Variants in SLC22A25 observed in about 807,000 individuals in gnomAD.
SLC22A25 encodes solute carrier family 22 member 25.
Under a neutral mutation model 45.9 loss-of-function variants are expected in SLC22A25, and 44 were observed. The ratio of observed to expected loss-of-function variants is 0.96; its 90% CI spans 0.75 to 1.23. The LOEUF (loss-of-function observed/expected upper bound fraction) is 1.23. SLC22A25 is among the 50% of genes most tolerant of loss of function. The probability of loss-of-function intolerance (pLI) is 0.00; values close to 1 mark genes in which losing one functional copy is unlikely to be tolerated. For synonymous variants in SLC22A25, 283 were observed against 238.6 expected (o/e 1.19, Z -1.72); for missense variants, 800 against 666.4 (o/e 1.20, Z -2.21).
At chr11:63,233,225 T>G (rs1257628455) in intron 3 of SLC22A25, among the ~76,000 whole-genome samples, 1 of 152,150 alleles carries the variant, frequency 6.6e-6, no homozygotes, top group South Asian at 2.1e-4. Flanking sequence ...GCTCCTCCTT[T>G]TACCTCTGGT....
At chr11:63,184,174 CTAAAG>C (rs1346498065) in intron 7 of SLC22A25, among the ~76,000 whole-genome samples, 1 of 152,046 alleles carries the variant, frequency 6.6e-6, no homozygotes, top group Admixed American at 6.6e-5. Flanking sequence ...GTTCTTTTTC[CTAAAG>C]TAAAGACCCT....
At position 63,212,669 on chromosome 11, in the gene SLC22A25, G is replaced by C. The variant is rs373161372; in HGVS notation, c.830+4645C>G. Among the ~76,000 whole-genome samples, 141 of 141,576 alleles carry C rather than the reference G, an allele frequency of 1.0e-3. 1 individual carries two copies. Among genetic ancestry groups the C allele is most frequent in the African/African-American group, 3.6e-3 (140 of 39,092 alleles). The allele number at this position is 141,576 out of a possible 152,430, so 92.9% of individuals were successfully genotyped here. A position where few individuals can be genotyped will look rare whatever the true frequency, so the allele number is the denominator to read the frequency against. On this transcript the variant is annotated intron_variant, in intron 7 of 11. Coordinates refer to ENST00000306494, the MANE Select transcript of SLC22A25 (RefSeq NM_199352.6). ...ACATCACACACTGTGGTCTGTTGTGGGGTGGGGGAGGGGGGAGGGATAGCC... is the reference window on the plus strand; with the variant it reads ...ACATCACACACTGTGGTCTGTTGTGCGGTGGGGGAGGGGGGAGGGATAGCC...
chr11:63,163,502 C>A lies in SLC22A25; in HGVS notation c.*322G>T, dbSNP rs1288240556. Among the ~76,000 whole-genome samples the A allele has an allele frequency of 6.6e-6, 1 of 152,140 alleles. No homozygotes were observed. Among genetic ancestry groups the A allele is most frequent in the Non-Finnish European group, 1.5e-5 (1 of 68,026 alleles). ...ACAGCTAACAGGTACACTCACTGGG[C>A]TGAGGGCTCCCCAGGGATGAGAAGA... On this transcript the variant is annotated 3_prime_UTR_variant, in exon 12 of 12. Coordinates refer to ENST00000306494, the MANE Select transcript of SLC22A25 (RefSeq NM_199352.6).
chr11:63,166,346 G>A (rs1352382147), intron 9 of SLC22A25, 88 bp from the exon 10 acceptor site: 1 of 1,514,596 alleles, frequency 6.6e-7, no homozygotes, highest in Non-Finnish European at 8.9e-7. Context: ...GGTAGCCAAG[G>A]ACTCTTTAAA....
At chr11:63,179,563 G>A (rs904578263) in intron 9 of SLC22A25, among the ~76,000 whole-genome samples, 4 of 152,056 alleles carry the variant, frequency 2.6e-5, no homozygotes, top group African/African-American at 9.7e-5. Flanking sequence ...TGTGGTATCT[G>A]TCTGCCATAC....
rs778594992 is a variant in SLC22A25 at position 63,217,602 on chromosome 11, T to C, written c.640A>G (p.Ile214Val). ...TTACTTAACAAAACAGTATTTACAA[T>C]GATGCTAAATGTAGCAGCCCCAGCC... ...FLAGAATFSI[I>V]VNTVLLIVEW... Residue 214 changes from isoleucine (I) to valine (V), a missense_variant, in exon 6 of 12, where the codon ATT (isoleucine) becomes GTT (valine). By Grantham distance (29) the Ile-to-Val change is conservative. Coordinates refer to ENST00000306494, the MANE Select transcript of SLC22A25 (RefSeq NM_199352.6). The C allele has an allele frequency of 1.9e-6, 3 of 1,613,438 alleles. No homozygotes were observed. The highest frequency in any genetic ancestry group is 3.3e-5 in the Admixed American group (2 of 59,776).
At chr11:63,176,671 C>T (rs971108955) in intron 9 of SLC22A25, among the ~76,000 whole-genome samples, 2 of 151,930 alleles carry the variant, frequency 1.3e-5, no homozygotes, top group Non-Finnish European at 2.9e-5. Flanking sequence ...TTTACTTCTA[C>T]CTTTCCTATT....
chr11:63,185,669 A>G lies in SLC22A25; in HGVS notation c.831-1852T>C, dbSNP rs538754652. Among the ~76,000 whole-genome samples the G allele has an allele frequency of 7.2e-5, 10 of 139,590 alleles. No individual in the cohort carries two copies. In the South Asian group the frequency reaches 2.2e-3, roughly 30 times the overall value. The allele number at this position is 139,590 out of a possible 152,430, so 91.6% of individuals were successfully genotyped here. ...TAACTCGTCATCTAGCATTAGGTAT[A>G]TCTCCCAATGCTATCCCTCCCCCCT... On this transcript the variant is annotated intron_variant, in intron 7 of 11. Coordinates refer to ENST00000306494, the MANE Select transcript of SLC22A25 (RefSeq NM_199352.6).
rs1460120087 is a variant in SLC22A25, at chr11:63,183,745, T to A, written c.903A>T (p.Lys301Asn). 1 of 1,613,314 alleles carries A rather than the reference T, an allele frequency of 6.2e-7. No individual in the cohort carries two copies. The highest frequency in any genetic ancestry group is 1.1e-5 in the South Asian group (1 of 91,042). ...TCTTCATTCCATTCCTGTGTGCAGC[T>A]TTTCTAAGTTCCTTTAAGCCCTCTT... Reference protein sequence around the residue: ...KPEEGLKELRKAAHRNGMKNA... With the variant: ...KPEEGLKELRNAAHRNGMKNA... The change falls in exon 8 of 12, where the codon AAA becomes AAT. Residue 301 changes from lysine (K) to asparagine (N), a missense_variant. By Grantham distance (94) the Lys-to-Asn change is moderately conservative. Transcript: ENST00000306494.
chr11:63,214,286 TAAC>T (rs2089654533), intron 7 of SLC22A25, among the ~76,000 whole-genome samples: 1 of 152,116 alleles, frequency 6.6e-6, no homozygotes, highest in African/African-American at 2.4e-5. Context: ...TTGATAGCAT[TAAC>T]AAAATATCAG....
At position 63,167,282 on chromosome 11, in the gene SLC22A25, T is replaced by TC. The variant is rs1319329958; in HGVS notation, c.1071-1025dup. 15 of 141,778 alleles carry TC rather than the reference T, an allele frequency of 1.1e-4. 1 individual carries two copies. The highest frequency in any genetic ancestry group is 3.3e-4 in the African/African-American group (13 of 38,944). 8.8% of individuals were successfully genotyped at this position (141,778 alleles called of 1,614,324 possible). A position where few individuals can be genotyped will look rare whatever the true frequency, so the allele number is the denominator to read the frequency against. On this transcript the variant is annotated intron_variant, in intron 9 of 11. Transcript: ENST00000306494. ...GCTAGCTGCAGGAGTTTTTTTTTTTTCCCCCAGTGGGACCTGGAACCTCAG... is the reference window on the plus strand; with the variant it reads ...GCTAGCTGCAGGAGTTTTTTTTTTTTCCCCCCAGTGGGACCTGGAACCTCAG...
At chr11:63,178,662 G>GT (rs1246604932) in intron 9 of SLC22A25, among the ~76,000 whole-genome samples, 6 of 151,720 alleles carry the variant, frequency 4.0e-5, no homozygotes, top group African/African-American at 1.2e-4. Context: ...AAGCTTATTT[G>GT]TTTTTTTGCT....
intron 7 of SLC22A25, among the ~76,000 whole-genome samples, chr11:63,210,539 C>A (rs141185584): frequency 6.6e-6 from 1 of 152,220 alleles, no homozygotes; most frequent in East Asian, 1.9e-4. Flanking sequence ...GTCTAACACC[C>A]GAGTGTGGCA....
chr11:63,187,088 A>G (rs1029250040), intron 7 of SLC22A25, among the ~76,000 whole-genome samples: 6 of 152,162 alleles, frequency 3.9e-5, no homozygotes, highest in Non-Finnish European at 8.8e-5. Flanking sequence ...GAAGAAAGTC[A>G]TTGGTAGCTT....
intron 3 of SLC22A25, among the ~76,000 whole-genome samples, chr11:63,234,970 CT>C (rs1425984973): frequency 1.3e-5 from 2 of 152,346 alleles, no homozygotes; most frequent in Admixed American, 1.3e-4. Flanking sequence ...TTGGCCCCCC[CT>C]CTCTTCTGGC....
chr11:63,190,828 T>C (rs2088780398), intron 7 of SLC22A25, among the ~76,000 whole-genome samples: 1 of 152,204 alleles, frequency 6.6e-6, no homozygotes, highest in Non-Finnish European at 1.5e-5. Context: ...ACCCTGTTTG[T>C]CTGGGTATCA....
intron 9 of SLC22A25, among the ~76,000 whole-genome samples, chr11:63,175,031 G>A (rs1467402013): frequency 1.3e-5 from 2 of 151,980 alleles, no homozygotes; most frequent in Non-Finnish European, 2.9e-5. Context: ...TATGTCAATG[G>A]ACATTTAAGT....
intron 9 of SLC22A25, among the ~76,000 whole-genome samples, chr11:63,171,861 A>C (rs1214473568): frequency 6.6e-6 from 1 of 152,208 alleles, no homozygotes; most frequent in Non-Finnish European, 1.5e-5. Context: ...AATGCTAAGC[A>C]AAAAGAACAA....
intron 3 of SLC22A25, among the ~76,000 whole-genome samples, chr11:63,232,347 A>G (rs891637678): frequency 6.6e-6 from 1 of 152,120 alleles, no homozygotes; most frequent in Non-Finnish European, 1.5e-5. Context: ...GAGGTCCTTC[A>G]CATCCCTTTT....
Sources: allele counts gnomAD v4.1 joint callset (sites outside exome capture counted in the v4.1 genomes callset), GRCh38; gene constraint gnomAD v4.1.1; transcripts MANE v1.5; gene names NCBI Gene and HGNC (gene_info 2026-07-23, HGNC 2026-07-21).